The following SLC12A1 variants were observed in gnomAD, a reference collection of about 807,000 sequenced individuals.
The protein encoded by SLC12A1 is Na-K-2Cl cotransporter.
In SLC12A1, 89 loss-of-function variants were observed where a neutral mutation model predicts 130.4. The observed-to-expected ratio is 0.68, with a 90% CI of 0.58 to 0.81. The LOEUF (loss-of-function observed/expected upper bound fraction) is 0.81, where lower values mean the gene tolerates loss of function less well. SLC12A1 is among the 40% of genes least tolerant of loss of function. SLC12A1 has a pLI of 0.00. For missense variants in SLC12A1, 1,310 were observed against 1,336.4 expected (o/e 0.98, Z 0.31); for synonymous variants, 499 against 460.0 (o/e 1.08, Z -1.09).
intron 23 of SLC12A1, among the ~76,000 whole-genome samples, chr15:48,290,187 A>C (rs1368602664): frequency 6.6e-6 from 1 of 152,148 alleles, no homozygotes; most frequent in Non-Finnish European, 1.5e-5. Flanking sequence ...CACACACATT[A>C]GTGTAGGTCT....
chr15:48,298,070 G>T (rs768652798), intron 24 of SLC12A1, among the ~76,000 whole-genome samples: 1 of 152,136 alleles, frequency 6.6e-6, no homozygotes, highest in African/African-American at 2.4e-5. Flanking sequence ...GGACAATCCT[G>T]CTCCTTTGTA....
intron 26 of SLC12A1, 59 bp from the exon 27 acceptor site, chr15:48,302,691 C>T: frequency 8.7e-7 from 1 of 1,145,954 alleles, no homozygotes; most frequent in African/African-American, 1.6e-5. Flanking sequence ...AATACTAGTG[C>T]CGTTACTACC....
chr15:48,256,508 A>C (rs1385471041), intron 16 of SLC12A1, among the ~76,000 whole-genome samples: 1 of 152,212 alleles, frequency 6.6e-6, no homozygotes, highest in African/African-American at 2.4e-5. Context: ...AATTTTAAAA[A>C]AAGAGGCTTA....
At chr15:48,267,900 A>AATG (rs1419831268) in intron 18 of SLC12A1, among the ~76,000 whole-genome samples, 199 bp downstream of exon 18, 1 of 152,208 alleles carries the variant, frequency 6.6e-6, no homozygotes, top group African/African-American at 2.4e-5. Context: ...ATGAACTATG[A>AATG]ATGATACACT....
At position 48,288,325 on chromosome 15, in the gene SLC12A1, G is replaced by T. The variant is rs370335385; in HGVS notation, c.2762-80G>T. The T allele has an allele frequency of 3.8e-6, 4 of 1,055,316 alleles. No homozygotes were observed. In the African/African-American group the frequency reaches 4.8e-5, roughly 13 times the overall value. 65.4% of individuals were successfully genotyped at this position (1,055,316 alleles called of 1,614,324 possible). On this transcript the variant is annotated intron_variant, in intron 22 of 26. Coordinates refer to ENST00000380993, the MANE Select transcript of SLC12A1 (RefSeq NM_000338.3). ...AACTTAATTAAGAGCTATCAATGTG[G>T]TAATGAATAAAGATATAAAGCTATT...
chr15:48,285,082 G>C (rs763946604), intron 20 of SLC12A1, 24 bp from the exon 21 acceptor site: 1 of 1,533,794 alleles, frequency 6.5e-7, no homozygotes, highest in East Asian at 2.3e-5. Flanking sequence ...GAGTTAAGTA[G>C]GTGATTTTGT....
chr15:48,243,198 A>T (rs2041537743), intron 10 of SLC12A1, among the ~76,000 whole-genome samples: 1 of 152,106 alleles, frequency 6.6e-6, no homozygotes, highest in Admixed American at 6.6e-5. Context: ...AGTTCAGTTC[A>T]ACATAAATGA....
intron 4 of SLC12A1, chr15:48,226,250 A>C: frequency 2.1e-6 from 1 of 467,354 alleles, no homozygotes; most frequent in Middle Eastern, 5.3e-4. Flanking sequence ...CCAAGTCTGC[A>C]CTTTCGATTG....
At position 48,255,886 on chromosome 15, in the gene SLC12A1, T is replaced by C. The variant is rs1286583235; in HGVS notation, c.2018T>C (p.Val673Ala). The change falls in exon 16 of 27, where the codon GTG becomes GCG. Residue 673 changes from valine to alanine, a missense_variant. Val to Ala is a moderately conservative substitution (Grantham distance 64). Transcript: ENST00000380993. ...ALDNALELTT[V>A]EDHVKNFRPQ... Reference sequence around the variant, plus strand: ...GACAATGCTCTGGAATTAACCACAGTGGAAGACCACGTAAAAAACTTCAGG... The same window carrying C: ...GACAATGCTCTGGAATTAACCACAGCGGAAGACCACGTAAAAAACTTCAGG... 6.2e-7 allele frequency: 1 copy of C among 1,600,410 alleles called. No homozygotes were observed. Among genetic ancestry groups the C allele is most frequent in the African/African-American group, 1.3e-5 (1 of 74,724 alleles).
At chr15:48,211,078 T>G (rs1475865180) in intron 2 of SLC12A1, among the ~76,000 whole-genome samples, 2 of 152,194 alleles carry the variant, frequency 1.3e-5, no homozygotes, top group Non-Finnish European at 2.9e-5. Context: ...CTCTGAATAA[T>G]CATTTTGAAA....
chr15:48,260,061 A>G (rs2041754072), intron 17 of SLC12A1, among the ~76,000 whole-genome samples: 2 of 152,106 alleles, frequency 1.3e-5, no homozygotes, highest in South Asian at 4.1e-4. Flanking sequence ...TGAGGTCAGG[A>G]GTTCGAGACC....
chr15:48,275,825 G>A (rs889921535), intron 20 of SLC12A1, among the ~76,000 whole-genome samples: 1 of 152,186 alleles, frequency 6.6e-6, no homozygotes, highest in African/African-American at 2.4e-5. Flanking sequence ...TTAAAAAGAT[G>A]GATCACATTC....
At chr15:48,242,516 G>A (rs1177223292) in intron 10 of SLC12A1, among the ~76,000 whole-genome samples, 1 of 152,182 alleles carries the variant, frequency 6.6e-6, no homozygotes, top group Non-Finnish European at 1.5e-5. Flanking sequence ...TAAGAGTATT[G>A]TTGCGGCTGG....
chr15:48,220,999 A>G lies in SLC12A1; in HGVS notation c.628+3A>G. The G allele has an allele frequency of 6.2e-7, 1 of 1,613,720 alleles. No homozygotes were observed. Among genetic ancestry groups the G allele is most frequent in the East Asian group, 2.2e-5 (1 of 44,890 alleles). On this transcript the variant is annotated splice_donor_region_variant and intron_variant, in intron 4 of 26. Coordinates refer to ENST00000380993, the MANE Select transcript of SLC12A1 (RefSeq NM_000338.3). ...GATTGTTGGAGAAGCTGGAATTGGTAAGCATTTTTCCCCTCCTAAATAATT... is the reference window on the plus strand; with the variant it reads ...GATTGTTGGAGAAGCTGGAATTGGTGAGCATTTTTCCCCTCCTAAATAATT...
chr15:48,240,427 T>TAATGATCACAGA (rs1184434297), intron 9 of SLC12A1, among the ~76,000 whole-genome samples: 1 of 152,138 alleles, frequency 6.6e-6, no homozygotes, highest in African/African-American at 2.4e-5. Flanking sequence ...GGGGAGAAAT[T>TAATGATCACAGA]AATGATCACA....
intron 2 of SLC12A1, among the ~76,000 whole-genome samples, chr15:48,214,571 A>T: frequency 6.6e-6 from 1 of 152,336 alleles, no homozygotes; most frequent in Admixed American, 6.5e-5. Context: ...CAAGAAAAAA[A>T]GACTTTCATT....
chr15:48,232,023 T>C (rs535444312), intron 7 of SLC12A1, among the ~76,000 whole-genome samples: 1 of 151,454 alleles, frequency 6.6e-6, no homozygotes, highest in Non-Finnish European at 1.5e-5. Context: ...GAAAACAAAA[T>C]AAAATAAAAA....
intron 20 of SLC12A1, among the ~76,000 whole-genome samples, chr15:48,284,181 T>C (rs1448479651): frequency 6.6e-6 from 1 of 152,232 alleles, no homozygotes; most frequent in African/African-American, 2.4e-5. Flanking sequence ...CCTCAGCTTT[T>C]ATTTCTTTGA....
At chr15:48,287,013 A>G (rs1366552838) in intron 21 of SLC12A1, among the ~76,000 whole-genome samples, 1 of 152,226 alleles carries the variant, frequency 6.6e-6, no homozygotes, top group Non-Finnish European at 1.5e-5. Flanking sequence ...ACATGGAAAC[A>G]ACAAAAGATA....
Sources: allele counts gnomAD v4.1 joint callset (sites outside exome capture counted in the v4.1 genomes callset), GRCh38; gene constraint gnomAD v4.1.1; transcripts MANE v1.5; gene names NCBI Gene and HGNC (gene_info 2026-07-23, HGNC 2026-07-21).